The following MAD1L1 variants were observed in gnomAD, a reference collection of about 807,000 sequenced individuals.
MAD1L1 encodes mitotic arrest deficient 1 like 1, also known as mitotic spindle assembly checkpoint protein MAD1.
In MAD1L1, 95 loss-of-function variants were observed where a neutral mutation model predicts 96.9. The ratio of observed to expected loss-of-function variants is 0.98; its 90% CI spans 0.83 to 1.16. MAD1L1 has a LOEUF of 1.16. MAD1L1 is among the 50% of genes most tolerant of loss of function. MAD1L1 has a pLI of 0.00. For missense variants in MAD1L1, 1,007 were observed against 954.4 expected, an observed-to-expected ratio of 1.06 and a Z score of -0.73; for synonymous variants, 473 against 396.6, an observed-to-expected ratio of 1.19 and a Z score of -2.29.
chr7:2,171,133 C>A, intron 10 of MAD1L1, among the ~76,000 whole-genome samples: 1 of 152,222 alleles, frequency 6.6e-6, no homozygotes, highest in East Asian at 1.9e-4. Context: ...GAAAAGAGAA[C>A]TGGGGAGAAC....
chr7:1,821,770 G>C (rs1233632202), intron 18 of MAD1L1, among the ~76,000 whole-genome samples: 1 of 152,180 alleles, frequency 6.6e-6, no homozygotes, highest in Non-Finnish European at 1.5e-5. Flanking sequence ...CAGGAATCAA[G>C]GGAAAGTCCT....
chr7:1,890,768 C>T (rs939589678), intron 18 of MAD1L1, among the ~76,000 whole-genome samples: 6 of 152,188 alleles, frequency 3.9e-5, no homozygotes, highest in African/African-American at 1.2e-4. Flanking sequence ...GGGGTGCTCA[C>T]GGGCCCCACT....
At chr7:2,006,700 C>T (rs766824169) in intron 13 of MAD1L1, among the ~76,000 whole-genome samples, 11 of 152,072 alleles carry the variant, frequency 7.2e-5, no homozygotes, top group South Asian at 2.1e-4. Context: ...TAAACCCGCA[C>T]GGCCCAGCAC....
intron 15 of MAD1L1, among the ~76,000 whole-genome samples, chr7:1,959,426 T>A (rs1779861139): frequency 6.6e-6 from 1 of 152,044 alleles, no homozygotes; most frequent in East Asian, 1.9e-4. Context: ...CCACTTTCAA[T>A]GGAAAGGATA....
At chr7:2,070,178 T>C (rs1785057388) in intron 11 of MAD1L1, among the ~76,000 whole-genome samples, 1 of 152,218 alleles carries the variant, frequency 6.6e-6, no homozygotes, top group South Asian at 2.1e-4. Context: ...TCTCTCTCTG[T>C]CCTTCAGGAG....
intron 11 of MAD1L1, among the ~76,000 whole-genome samples, chr7:2,098,329 G>A (rs899629369): frequency 1.3e-5 from 2 of 152,146 alleles, no homozygotes; most frequent in African/African-American, 2.4e-5. Context: ...TGAGGCCTGC[G>A]CAGCACACGC....
intron 17 of MAD1L1, among the ~76,000 whole-genome samples, chr7:1,921,791 A>G (rs1788810764): frequency 6.6e-6 from 1 of 152,348 alleles, no homozygotes; most frequent in East Asian, 1.9e-4. Context: ...AAGGATTCTG[A>G]GATAAATGGC....
At chr7:2,210,442 CCG>C (rs1792863165) in intron 10 of MAD1L1, among the ~76,000 whole-genome samples, 1 of 139,144 alleles carries the variant, frequency 7.2e-6, no homozygotes, top group Non-Finnish European at 1.6e-5. Flanking sequence ...GCCCGCATTC[CCG>C]TGGACTCTCT....
At chr7:1,824,731 T>C (rs950910276) in intron 18 of MAD1L1, among the ~76,000 whole-genome samples, 6 of 152,104 alleles carry the variant, frequency 3.9e-5, no homozygotes, top group Non-Finnish European at 8.8e-5. Flanking sequence ...ACACCTGCTC[T>C]CAAAGCCAGC....
intron 11 of MAD1L1, among the ~76,000 whole-genome samples, chr7:2,116,241 C>G (rs1190691974): frequency 6.6e-6 from 1 of 152,184 alleles, no homozygotes; most frequent in African/African-American, 2.4e-5. Context: ...GAGCGGAGTG[C>G]GTGGGTGCAG....
chr7:2,113,044 G>A (rs759956263), intron 11 of MAD1L1, among the ~76,000 whole-genome samples: 14 of 144,836 alleles, frequency 9.7e-5, no homozygotes, highest in Admixed American at 4.2e-4. Flanking sequence ...CCTACTCGAC[G>A]AGGGGCAGAG....
intron 12 of MAD1L1, among the ~76,000 whole-genome samples, chr7:2,066,490 C>T (rs1372895974): frequency 6.6e-6 from 1 of 152,256 alleles, no homozygotes; most frequent in African/African-American, 2.4e-5. Flanking sequence ...CAATACCCAC[C>T]TTCTTGCTAA....
rs73035476 is a variant in MAD1L1 at position 2,111,671 on chromosome 7, T to C, written c.1073+37481A>G. Reference sequence around the variant, plus strand: ...CCACAGCAACTGTCTGACGCCAGGTTGGGGCCAGCAGCCGCACGCTGGAAA... The same window carrying C: ...CCACAGCAACTGTCTGACGCCAGGTCGGGGCCAGCAGCCGCACGCTGGAAA... On this transcript the variant is annotated intron_variant, in intron 11 of 18. Transcript: ENST00000265854. Among the ~76,000 whole-genome samples the C allele has an allele frequency of 3.3e-3, 506 of 152,278 alleles. 5 individuals are homozygous for C. Among genetic ancestry groups the C allele is most frequent in the Non-Finnish European group, 4.4e-3 (298 of 68,012 alleles).
At chr7:1,987,938 G>A (rs1254656900) in intron 14 of MAD1L1, among the ~76,000 whole-genome samples, 1 of 152,200 alleles carries the variant, frequency 6.6e-6, no homozygotes, top group Non-Finnish European at 1.5e-5. Context: ...TCCGATCTCT[G>A]GGGCAGCCTA....
chr7:1,899,238 C>T (rs1272886576), intron 17 of MAD1L1, among the ~76,000 whole-genome samples: 2 of 152,214 alleles, frequency 1.3e-5, no homozygotes, highest in Non-Finnish European at 2.9e-5. Context: ...AGAGGCCTTC[C>T]AAGTAGTTAA....
At chr7:1,986,219 G>A (rs1339810565) in intron 14 of MAD1L1, among the ~76,000 whole-genome samples, 1 of 152,222 alleles carries the variant, frequency 6.6e-6, no homozygotes, top group Non-Finnish European at 1.5e-5. Context: ...GACACCGTGA[G>A]TTTTCCTAAG....
chr7:2,039,670 T>C (rs1431258241), intron 12 of MAD1L1, among the ~76,000 whole-genome samples: 6 of 152,240 alleles, frequency 3.9e-5, no homozygotes, highest in Non-Finnish European at 8.8e-5. Context: ...AAGGTCTGTC[T>C]ATATCTTTTG....
At chr7:1,889,207 C>A (rs1042430433) in intron 18 of MAD1L1, among the ~76,000 whole-genome samples, 2 of 152,202 alleles carry the variant, frequency 1.3e-5, no homozygotes, top group Non-Finnish European at 2.9e-5. Flanking sequence ...CAAGCGACAT[C>A]CACACCAAGG....
chr7:1,909,867 C>T (rs1261237344), intron 17 of MAD1L1, among the ~76,000 whole-genome samples: 1 of 152,206 alleles, frequency 6.6e-6, no homozygotes, highest in Non-Finnish European at 1.5e-5. Context: ...ACTGCACACT[C>T]TGCTCCAGTG....
Sources: allele counts gnomAD v4.1 joint callset (sites outside exome capture counted in the v4.1 genomes callset), GRCh38; gene constraint gnomAD v4.1.1; transcripts MANE v1.5; gene names NCBI Gene and HGNC (gene_info 2026-07-23, HGNC 2026-07-21).